The following ANK2 variants were observed in gnomAD, a reference collection of about 807,000 sequenced individuals.
The protein encoded by ANK2 is ankyrin-2.
In ANK2, 83 loss-of-function variants were observed where a neutral mutation model predicts 360.5. That is an observed-to-expected ratio of 0.23 (90% CI 0.19 to 0.28). The LOEUF (loss-of-function observed/expected upper bound fraction) is 0.28, where lower values mean the gene tolerates loss of function less well. ANK2 is among the 10% of genes least tolerant of loss of function. The probability of loss-of-function intolerance (pLI) is 1.00; values close to 1 mark genes in which losing one functional copy is unlikely to be tolerated. For missense variants in ANK2, 4,201 were observed against 4,795.7 expected, an observed-to-expected ratio of 0.88 and a Z score of 3.66; for synonymous variants, 1,740 against 1,759.5, an observed-to-expected ratio of 0.99 and a Z score of 0.28.
intron 21 of ANK2, 68 bp from the exon 22 acceptor site, chr4:113,293,372 G>A (rs1291842833): frequency 7.4e-7 from 1 of 1,357,120 alleles, no homozygotes; most frequent in Non-Finnish European, 1.0e-6. Flanking sequence ...AGCAGCGGGT[G>A]AGCTCATTGG....
At chr4:113,083,701 G>A (rs2083347477) in intron 1 of ANK2, among the ~76,000 whole-genome samples, 3 of 152,172 alleles carry the variant, frequency 2.0e-5, no homozygotes, top group Non-Finnish European at 4.4e-5. Flanking sequence ...TTCATTTATA[G>A]TGACATTGTT....
chr4:113,145,785 C>G, intron 1 of ANK2: 1 of 1,244,980 alleles, frequency 8.0e-7, no homozygotes, highest in African/African-American at 1.5e-5. Context: ...GATGAATTGC[C>G]CACATTAGTG....
intron 1 of ANK2, among the ~76,000 whole-genome samples, chr4:113,130,414 T>G (rs1011618735): frequency 7.9e-5 from 12 of 152,188 alleles, no homozygotes. Flanking sequence ...ATATAATATC[T>G]GTTCACTTTT....
chr4:112,909,543 T>G (rs2086374095), intron 2 of ANK2, among the ~76,000 whole-genome samples: 1 of 152,212 alleles, frequency 6.6e-6, no homozygotes. Flanking sequence ...TCCTACTATT[T>G]TTTTGTTTTG....
the ANK2 span, among the ~76,000 whole-genome samples, chr4:112,742,953 C>T: frequency 6.6e-6 from 1 of 152,088 alleles, no homozygotes; most frequent in African/African-American, 2.4e-5. Context: ...CTCGACTGGC[C>T]TCTCATTCCA....
chr4:112,751,896 C>T, the ANK2 span, among the ~76,000 whole-genome samples: 1 of 152,130 alleles, frequency 6.6e-6, no homozygotes, highest in Non-Finnish European at 1.5e-5. Flanking sequence ...AGCTGGGAAA[C>T]CCTTTTAGTG....
At chr4:113,062,781 C>T (rs2154335411) in intron 1 of ANK2, among the ~76,000 whole-genome samples, 1 of 152,150 alleles carries the variant, frequency 6.6e-6, no homozygotes, top group East Asian at 1.9e-4. Flanking sequence ...ATCCCTTGCA[C>T]CTTTTCAAGC....
chr4:113,228,310 A>G (rs1314756670), intron 4 of ANK2, among the ~76,000 whole-genome samples: 1 of 152,100 alleles, frequency 6.6e-6, no homozygotes, highest in African/African-American at 2.4e-5. Flanking sequence ...ACTGTGCCCA[A>G]TTTGTAGTCT....
chr4:113,288,970 A>C (rs2066167967), intron 20 of ANK2, among the ~76,000 whole-genome samples: 1 of 152,218 alleles, frequency 6.6e-6, no homozygotes, highest in Non-Finnish European at 1.5e-5. Flanking sequence ...GAAGTTCTCA[A>C]GGATAATGCA....
At chr4:113,084,765 A>C (rs184882402) in intron 1 of ANK2, among the ~76,000 whole-genome samples, 1 of 152,322 alleles carries the variant, frequency 6.6e-6, no homozygotes, top group African/African-American at 2.4e-5. Context: ...GTATTTAGTG[A>C]TTATGACATA....
intron 2 of ANK2, among the ~76,000 whole-genome samples, chr4:112,947,177 T>C (rs1451643472): frequency 6.6e-6 from 1 of 152,216 alleles, no homozygotes; most frequent in Non-Finnish European, 1.5e-5. Context: ...TTATTCTTAA[T>C]GTTATGCCCT....
chr4:112,813,240 A>AC (rs2039385896), upstream of ANK2, among the ~76,000 whole-genome samples: 1 of 150,890 alleles, frequency 6.6e-6, no homozygotes, highest in Non-Finnish European at 1.5e-5. Context: ...TCTGTCTAAA[A>AC]AAAAAAAAAA....
the ANK2 span, among the ~76,000 whole-genome samples, chr4:112,768,217 C>T: frequency 3.3e-5 from 5 of 152,192 alleles, no homozygotes; most frequent in South Asian, 8.3e-4. Context: ...AACTCAGAAG[C>T]ATTTGGTACT....
the ANK2 span, among the ~76,000 whole-genome samples, chr4:112,796,425 A>G: frequency 1.6e-4 from 24 of 147,746 alleles, no homozygotes; most frequent in African/African-American, 4.6e-4. Context: ...CTCCGTCTCA[A>G]AAAAAAATAT....
the ANK2 span, among the ~76,000 whole-genome samples, chr4:112,760,562 T>C: frequency 6.6e-6 from 1 of 151,540 alleles, no homozygotes; most frequent in African/African-American, 2.4e-5. Context: ...ATTATTATAC[T>C]TTAAGTTTTA....
At chr4:112,738,598 G>A in the ANK2 span, 15 of 493,254 alleles carry the variant, frequency 3.0e-5, no homozygotes, top group African/African-American at 2.8e-4. Context: ...GTTCTGAATT[G>A]TGAGTTAAAA....
intron 4 of ANK2, among the ~76,000 whole-genome samples, chr4:113,226,266 G>T (rs766756900): frequency 1.3e-5 from 2 of 152,030 alleles, no homozygotes; most frequent in South Asian, 2.1e-4. Context: ...CCAATTCCTC[G>T]CAAGGCTTTC....
intron 7 of ANK2, among the ~76,000 whole-genome samples, 197 bp from the exon 8 acceptor site, chr4:113,240,288 A>C (rs1364279558): frequency 2.0e-5 from 3 of 152,216 alleles, no homozygotes; most frequent in Non-Finnish European, 4.4e-5. Context: ...ATGCCAATAA[A>C]TGTAGAATAT....
At chr4:112,866,930 TAA>T (rs1447932573) in intron 1 of ANK2, among the ~76,000 whole-genome samples, 1 of 152,130 alleles carries the variant, frequency 6.6e-6, no homozygotes, top group African/African-American at 2.4e-5. Flanking sequence ...CAGATAAATC[TAA>T]GTTTCCAAAA....
Sources: gnomAD v4.1 joint callset for allele counts (sites outside exome capture counted in the v4.1 genomes callset) on GRCh38, gnomAD v4.1.1 for gene constraint, MANE v1.5 for transcripts, NCBI Gene and HGNC (gene_info 2026-07-23, HGNC 2026-07-21) for gene names.